The following ABCC8 variants were observed in gnomAD, a reference collection of about 807,000 sequenced individuals.
ABCC8 encodes ATP binding cassette subfamily C member 8.
ABCC8 carries 137 observed loss-of-function variants against 188.0 expected under a neutral mutation model. The ratio of observed to expected loss-of-function variants is 0.73; its 90% CI spans 0.63 to 0.84. The LOEUF (loss-of-function observed/expected upper bound fraction) is 0.84, where lower values mean the gene tolerates loss of function less well. ABCC8 is among the 40% of genes least tolerant of loss of function. The pLI is 0.00. For missense variants in ABCC8, 1,750 were observed against 2,072.7 expected, an observed-to-expected ratio of 0.84 and a Z score of 3.02; for synonymous variants, 797 against 846.5, an observed-to-expected ratio of 0.94 and a Z score of 1.01.
intron 10 of ABCC8, among the ~76,000 whole-genome samples, chr11:17,436,983 C>A (rs186168990): frequency 1.4e-5 from 2 of 147,786 alleles, no homozygotes; most frequent in South Asian, 4.3e-4. Flanking sequence ...CCTAGCTACT[C>A]GAGAGGCTGA....
rs559793308 is a variant in ABCC8 at position 17,449,182 on chromosome 11, C to T, written c.1177-511G>A. On this transcript the variant is annotated intron_variant, in intron 7 of 38. Transcript: ENST00000389817. ...ACCTCAGGAGATCCATCCACCTCGG[C>T]CTCCAAATGCTGAGATTACAGGCAT... Among the ~76,000 whole-genome samples, 6 of 152,324 alleles carry T rather than the reference C, an allele frequency of 3.9e-5. No homozygotes were observed. In the East Asian group the frequency reaches 1.2e-3, roughly 29 times the overall value.
chr11:17,450,684 A>ATTTTTT (rs1956780375), intron 7 of ABCC8, among the ~76,000 whole-genome samples: 1 of 70,260 alleles, frequency 1.4e-5, no homozygotes, highest in Non-Finnish European at 2.8e-5. Context: ...GGCATGAGCC[A>ATTTTTT]CTTTTTTTTT....
At chr11:17,398,794 G>T (rs1308177827) in intron 29 of ABCC8, among the ~76,000 whole-genome samples, 1 of 152,080 alleles carries the variant, frequency 6.6e-6, no homozygotes, top group Non-Finnish European at 1.5e-5. Context: ...CTCTCTAAAA[G>T]AGTCCTTGCC....
At chr11:17,409,001 TG>T (rs1433746440) in intron 22 of ABCC8, among the ~76,000 whole-genome samples, 1 of 149,452 alleles carries the variant, frequency 6.7e-6, no homozygotes, top group Non-Finnish European at 1.5e-5. Flanking sequence ...TTGCCTAGGC[TG>T]GGGTGCAATG....
At position 17,398,368 on chromosome 11, in the gene ABCC8, C is replaced by G; in HGVS notation, c.3724G>C (p.Ala1242Pro). The G allele has an allele frequency of 6.2e-7, 1 of 1,614,174 alleles. No homozygotes were observed. The highest frequency in any genetic ancestry group is 8.5e-7 in the Non-Finnish European group (1 of 1,180,014). ...SNNIASLFLT[A>P]ANRWLEVRME... is the part of the protein sequence containing the mutation. Reference sequence around the variant, plus strand: ...CGGACTTCCAGCCATCTGTTGGCAGCTGTGAGGAAGAGGGAAGCAATGTTG... The same window carrying G: ...CGGACTTCCAGCCATCTGTTGGCAGGTGTGAGGAAGAGGGAAGCAATGTTG... The change falls in exon 30 of 39, where the codon GCT becomes CCT. Residue 1242 changes from alanine (A) to proline (P), a missense_variant. Physicochemically the swap from Ala to Pro is conservative, Grantham distance 27. Transcript: ENST00000389817.
chr11:17,397,897 C>T, intron 30 of ABCC8, 100 bp from the exon 31 acceptor site: 2 of 1,540,486 alleles, frequency 1.3e-6, no homozygotes, highest in Non-Finnish European at 1.7e-6. Context: ...CTCAGCCAGG[C>T]CTCCACTCCA....
chr11:17,449,534 G>A (rs573220389), intron 7 of ABCC8, among the ~76,000 whole-genome samples: 1 of 152,216 alleles, frequency 6.6e-6, no homozygotes, highest in Non-Finnish European at 1.5e-5. Context: ...CAGACAGAGA[G>A]CAGCCATGGT....
In ABCC8 at chr11:17,412,678, G is replaced by A. The variant is rs144200345; in HGVS notation, c.2544C>T (p.Asn848=). The part of the protein sequence containing the change: ...SVARALYQHA[N]VVFLDDPFSA... ...AACTTGCACTCACCAAGAAGACAAC[G>A]TTGGCGTGCTGGTAGAGGGCTCGGG... The change falls in exon 21 of 39, where the codon AAC becomes AAT. Residue 848 remains asparagine (N), a synonymous_variant. Coordinates refer to ENST00000389817, the MANE Select transcript of ABCC8 (RefSeq NM_000352.6). 218 of 1,611,624 alleles carry A rather than the reference G, an allele frequency of 1.4e-4. No individual in the cohort carries two copies. Among genetic ancestry groups the A allele is most frequent in the Middle Eastern group, 3.3e-4 (2 of 6,082 alleles).
intron 26 of ABCC8, 115 bp downstream of exon 26, chr11:17,406,507 G>A: frequency 8.6e-7 from 1 of 1,168,286 alleles, no homozygotes; most frequent in Non-Finnish European, 1.2e-6. Flanking sequence ...GTCTCCTTGA[G>A]TCACCCCCAC....
intron 4 of ABCC8, 67 bp from the exon 5 acceptor site, chr11:17,461,892 G>A: frequency 1.9e-6 from 3 of 1,605,392 alleles, no homozygotes; most frequent in East Asian, 4.5e-5. Context: ...CCTTGCCCCA[G>A]CAAGGATCTG....
intron 10 of ABCC8, among the ~76,000 whole-genome samples, chr11:17,436,998 G>T (rs576469701): frequency 3.5e-5 from 5 of 144,550 alleles, no homozygotes; most frequent in African/African-American, 1.0e-4. Context: ...GGCTGAGGCA[G>T]GAGAATCGCT....
intron 33 of ABCC8, 57 bp from the exon 34 acceptor site, chr11:17,395,987 T>C: frequency 6.4e-7 from 1 of 1,550,798 alleles, no homozygotes; most frequent in Non-Finnish European, 8.7e-7. Flanking sequence ...GGGAATAGCC[T>C]CTATGCTAGC....
At chr11:17,416,790 C>T (rs1156358730) in intron 17 of ABCC8, 140 bp downstream of exon 17, 11 of 1,336,346 alleles carry the variant, frequency 8.2e-6, no homozygotes, top group Non-Finnish European at 1.2e-5. Flanking sequence ...GAATGCAGGC[C>T]TTAGCCCCAT....
At chr11:17,425,501 C>T (rs148140104) in intron 16 of ABCC8, among the ~76,000 whole-genome samples, 78 of 152,096 alleles carry the variant, frequency 5.1e-4, no homozygotes, top group African/African-American at 1.9e-3. Context: ...TTGGCTGCAA[C>T]TTTTATTCCT....
At chr11:17,456,675 C>T (rs1255339146) in intron 6 of ABCC8, among the ~76,000 whole-genome samples, 2 of 152,156 alleles carry the variant, frequency 1.3e-5, no homozygotes, top group African/African-American at 2.4e-5. Context: ...ACTTAGAGGT[C>T]CTGACTCATC....
Position 17,449,204 on chromosome 11 carries a change from G to T in ABCC8, c.1177-533C>A, listed in dbSNP as rs750823157. ...CGGCCTCCAAATGCTGAGATTACAG[G>T]CATGAGCCACCGCACCCGGTCTGTT... is the stretch of plus-strand genomic sequence containing the variant. On this transcript the variant is annotated intron_variant, in intron 7 of 38. Coordinates refer to ENST00000389817, the MANE Select transcript of ABCC8 (RefSeq NM_000352.6). Among the ~76,000 whole-genome samples the T allele has an allele frequency of 3.9e-5, 6 of 152,308 alleles. No individual in the cohort carries two copies. The South Asian group carries it at 1.0e-3, about 26-fold the overall frequency.
rs372277691 is a variant in ABCC8, at chr11:17,404,350, G to A, written c.3557+162C>T. 5.9e-5 allele frequency among the ~76,000 whole-genome samples: 9 copies of A among 152,236 alleles called. No individual in the cohort carries two copies. Among genetic ancestry groups the A allele is most frequent in the African/African-American group, 1.7e-4 (7 of 41,522 alleles). On this transcript the variant is annotated intron_variant, in intron 28 of 38. Coordinates refer to ENST00000389817, the MANE Select transcript of ABCC8 (RefSeq NM_000352.6). This position sits in a 1 kb window ranked among gnomAD's most constrained non-coding sequence, Gnocchi z 4.7. ...TGTTGGCAGACTATTATATTAGGGC[G>A]GTGGAATAAGATGTGGATATTTCTA... is the stretch of plus-strand genomic sequence containing the variant.
chr11:17,460,508 TCTC>T lies in ABCC8; in HGVS notation c.988_990del (p.Glu330del). 3 of 1,614,116 alleles carry T rather than the reference TCTC, an allele frequency of 1.9e-6. No homozygotes were observed. The highest frequency in any genetic ancestry group is 2.5e-6 in the Non-Finnish European group (3 of 1,180,034). ...CCTACCTTGGGCTGGAAGACGTCGT[TCTC>T]CTTCCCAAGGTGGTCCACGATCCCA... On this transcript the variant is annotated inframe_deletion, in exon 6 of 39. Transcript: ENST00000389817.
chr11:17,393,836 C>T (rs1953760821), intron 37 of ABCC8, 77 bp from the exon 38 acceptor site: 2 of 1,613,548 alleles, frequency 1.2e-6, no homozygotes, highest in Non-Finnish European at 1.7e-6. Context: ...GATGTGGAGC[C>T]CAGGTCTGTG....
Sources: allele counts gnomAD v4.1 joint callset (sites outside exome capture counted in the v4.1 genomes callset), GRCh38; gene constraint gnomAD v4.1.1; non-coding constraint Gnocchi (gnomAD v3.1); transcripts MANE v1.5; gene names NCBI Gene and HGNC (gene_info 2026-07-23, HGNC 2026-07-21).